FSTL4: variants seen among roughly 807,000 people sequenced by gnomAD.
FSTL4 encodes follistatin like 4, also known as follistatin-related protein 4.
Under a neutral mutation model 78.2 loss-of-function variants are expected in FSTL4, and 28 were observed. The ratio of observed to expected loss-of-function variants is 0.36; its 90% confidence interval spans 0.27 to 0.49. The LOEUF (loss-of-function observed/expected upper bound fraction) is 0.49, where lower values mean the gene tolerates loss of function less well. Ranked by LOEUF, FSTL4 falls within the 20% of genes least tolerant of loss-of-function variation. The probability of loss-of-function intolerance (pLI) is 0.98; values close to 1 mark genes in which losing one functional copy is unlikely to be tolerated. For missense variants in FSTL4, 922 were observed against 1,084.9 expected, an observed-to-expected ratio of 0.85 and a Z score of 2.11; for synonymous variants, 422 against 440.5, an observed-to-expected ratio of 0.96 and a Z score of 0.53.
chr5:133,570,194 G>A (rs967770163), intron 2 of FSTL4, among the ~76,000 whole-genome samples: 22 of 150,382 alleles, frequency 1.5e-4, no homozygotes, highest in African/African-American at 4.9e-4. Context: ...GGGAGACAGC[G>A]AGACTCCGTC....
rs1750165208 is a variant in FSTL4 at position 133,197,033 on chromosome 5, G to C, written c.*2062C>G. ...AGCAGGTGCTGCAGAAGTTGACTCT[G>C]TCACTCCTGATTATTTTAAAAGGCC... On this transcript the variant is annotated 3_prime_UTR_variant, in exon 16 of 16. Transcript: ENST00000265342. 2.6e-5 allele frequency: 4 copies of C among 152,206 alleles called. No individual in the cohort carries two copies. Among genetic ancestry groups the C allele is most frequent in the African/African-American group, 9.7e-5 (4 of 41,442 alleles). The allele number at this position is 152,206 out of a possible 1,614,324, so 9.4% of individuals were successfully genotyped here.
intron 4 of FSTL4, among the ~76,000 whole-genome samples, chr5:133,360,715 A>G (rs1222299165): frequency 6.6e-6 from 1 of 152,192 alleles, no homozygotes; most frequent in Non-Finnish European, 1.5e-5. Flanking sequence ...TAGAAGGGCT[A>G]TGTTTTCAAC....
chr5:133,617,351 A>T (rs2112992278), upstream of FSTL4, among the ~76,000 whole-genome samples: 1 of 151,348 alleles, frequency 6.6e-6, no homozygotes, highest in African/African-American at 2.4e-5. Context: ...AATGATAGCG[A>T]GAAACTGGCC....
chr5:133,417,428 G>A (rs1421354645), intron 3 of FSTL4, among the ~76,000 whole-genome samples: 1 of 152,146 alleles, frequency 6.6e-6, no homozygotes, highest in Non-Finnish European at 1.5e-5. Flanking sequence ...TGGAATTTCA[G>A]AAGGAGAGGA....
intron 6 of FSTL4, among the ~76,000 whole-genome samples, chr5:133,268,907 C>T (rs1044212796): frequency 1.3e-5 from 2 of 151,300 alleles, no homozygotes; most frequent in African/African-American, 4.9e-5. Flanking sequence ...GCAGGCTGGG[C>T]GCGGTGGCTC....
the FSTL4 span, among the ~76,000 whole-genome samples, chr5:133,659,233 A>G: frequency 1.3e-5 from 2 of 152,016 alleles, no homozygotes; most frequent in African/African-American, 4.8e-5. Flanking sequence ...TTTATTTCCC[A>G]CCCCAGCTCT....
At chr5:133,309,622 G>C (rs1292685550) in intron 6 of FSTL4, among the ~76,000 whole-genome samples, 1 of 152,198 alleles carries the variant, frequency 6.6e-6, no homozygotes, top group Non-Finnish European at 1.5e-5. Context: ...ACTGTGGCAA[G>C]CATGGCCCAG....
intron 3 of FSTL4, 116 bp from the exon 4 acceptor site, chr5:133,401,102 C>G: frequency 8.1e-7 from 1 of 1,229,300 alleles, no homozygotes; most frequent in African/African-American, 1.5e-5. Flanking sequence ...CCAAGCTACT[C>G]AAGGTGGGGC....
At chr5:133,801,909 T>C in the FSTL4 span, among the ~76,000 whole-genome samples, 1 of 152,168 alleles carries the variant, frequency 6.6e-6, no homozygotes, top group East Asian at 1.9e-4. Context: ...AGCCTGGGCA[T>C]GCAAACACAC....
chr5:133,623,942 T>A, the FSTL4 span, among the ~76,000 whole-genome samples: 3 of 151,956 alleles, frequency 2.0e-5, no homozygotes, highest in African/African-American at 7.2e-5. Context: ...TAATATATAT[T>A]TTAAAGGAAA....
intron 3 of FSTL4, among the ~76,000 whole-genome samples, chr5:133,532,681 C>T (rs1210872933): frequency 6.6e-6 from 1 of 152,182 alleles, no homozygotes; most frequent in Non-Finnish European, 1.5e-5. Flanking sequence ...CAAAAATGTA[C>T]ATTGCACGGT....
chr5:133,655,221 C>T, the FSTL4 span, among the ~76,000 whole-genome samples: 2 of 152,170 alleles, frequency 1.3e-5, no homozygotes, highest in Non-Finnish European at 2.9e-5. Flanking sequence ...TCTTCTTCCC[C>T]ATAATTACTA....
chr5:133,820,796 G>C, the FSTL4 span, among the ~76,000 whole-genome samples: 1 of 152,296 alleles, frequency 6.6e-6, no homozygotes, highest in East Asian at 1.9e-4. Context: ...TAGGGACCAA[G>C]GAAGAACCAA....
intron 13 of FSTL4, among the ~76,000 whole-genome samples, chr5:133,214,514 G>A (rs1042555282): frequency 2.0e-5 from 3 of 152,188 alleles, no homozygotes; most frequent in Admixed American, 2.0e-4. Flanking sequence ...ATTCTTAAGT[G>A]GGCCCTCATT....
chr5:133,725,675 G>A, the FSTL4 span, among the ~76,000 whole-genome samples: 1 of 150,408 alleles, frequency 6.6e-6, no homozygotes, highest in Non-Finnish European at 1.5e-5. Flanking sequence ...GTTTGAAAAG[G>A]ATGAAGCTCT....
chr5:133,739,312 T>A, the FSTL4 span, among the ~76,000 whole-genome samples: 3 of 146,312 alleles, frequency 2.1e-5, no homozygotes, highest in Non-Finnish European at 4.5e-5. Flanking sequence ...TAACACTAAG[T>A]GGTTTTGTGA....
At chr5:133,766,020 C>T in the FSTL4 span, among the ~76,000 whole-genome samples, 12,086 of 152,136 alleles carry the variant, frequency 0.079, 628 homozygotes, top group African/African-American at 0.14. Context: ...CAAACACCTA[C>T]CAGATATGTA....
intron 2 of FSTL4, among the ~76,000 whole-genome samples, chr5:133,600,421 A>AGG (rs35678803): frequency 0.027 from 3,883 of 146,286 alleles, 179 homozygotes; most frequent in African/African-American, 0.093. Flanking sequence ...TGTAGGATAA[A>AGG]GGGGGGGGGG....
intron 4 of FSTL4, among the ~76,000 whole-genome samples, chr5:133,364,475 C>A (rs1328334443): frequency 1.3e-5 from 2 of 152,196 alleles, no homozygotes; most frequent in African/African-American, 4.8e-5. Flanking sequence ...CCTGCTGAGC[C>A]CTGATTCAAG....
Sources: allele counts gnomAD v4.1 joint callset (sites outside exome capture counted in the v4.1 genomes callset), GRCh38; gene constraint gnomAD v4.1.1; transcripts MANE v1.5; gene names NCBI Gene and HGNC (gene_info 2026-07-23, HGNC 2026-07-21).